The following DCHS2 variants were observed in gnomAD, a reference collection of about 807,000 sequenced individuals.
DCHS2 encodes dachsous cadherin-related 2, also known as protocadherin-23.
In DCHS2, 142 loss-of-function variants were observed where a neutral mutation model predicts 182.4. The ratio of observed to expected loss-of-function variants is 0.78; its 90% confidence interval spans 0.68 to 0.89. The LOEUF is 0.89. Among genes scored for constraint, DCHS2 ranks in the 40% least tolerant of loss-of-function variants. The probability of loss-of-function intolerance (pLI) is 0.00; values close to 1 mark genes in which losing one functional copy is unlikely to be tolerated. For missense variants in DCHS2, 4,319 were observed against 4,198.6 expected, an observed-to-expected ratio of 1.03 and a Z score of -0.79; for synonymous variants, 1,740 against 1,663.3, an observed-to-expected ratio of 1.05 and a Z score of -1.12.
At position 154,329,594 on chromosome 4, in the gene DCHS2, A is replaced by G; in HGVS notation, c.3847T>C (p.Ser1283Pro). Reference protein sequence around the residue: ...PRNATMAVYVSVTDINDNRPF... With the variant: ...PRNATMAVYVPVTDINDNRPF... ...CTGTTATCATTGATGTCAGTAACTG[A>G]GACGTAAACCGCCATGGTGGCGTTT... The change falls in exon 6 of 20, where the codon TCA (serine) becomes CCA (proline). Residue 1283 changes from serine to proline, a missense_variant. By Grantham distance (74) the Ser-to-Pro change is moderately conservative. Transcript: ENST00000357232. The G allele has an allele frequency of 7.4e-6, 12 of 1,613,470 alleles. No homozygotes were observed. The highest frequency in any genetic ancestry group is 1.0e-5 in the Non-Finnish European group (12 of 1,179,896).
chr4:154,298,468 C>A lies in DCHS2; in HGVS notation c.5846G>T (p.Gly1949Val). ...AGCTGAAAGCACAAGAACCACTGTT[C>A]CCACTTCAGCATCTTCTCTCACAGA... ...QSSVREDAEV[G>V]TVVLVLSAVD... The change falls in exon 13 of 20, where the codon GGA becomes GTA. Residue 1949 changes from glycine (G) to valine (V), a missense_variant. Physicochemically the swap from Gly to Val is moderately radical, Grantham distance 109. Coordinates refer to ENST00000357232, the MANE Select transcript of DCHS2 (RefSeq NM_001358235.2). 6.2e-7 allele frequency: 1 copy of A among 1,614,144 alleles called. No individual in the cohort carries two copies. The highest frequency in any genetic ancestry group is 8.5e-7 in the Non-Finnish European group (1 of 1,179,994).
In DCHS2 at chr4:154,363,731, G is replaced by A. The variant is rs186817198; in HGVS notation, c.2476+2479C>T. On this transcript the variant is annotated intron_variant, in intron 3 of 19. Transcript: ENST00000357232. ...ATTCTCACCACAAAAAATTCTAAGT[G>A]TGAGAGGTGATGGTTATGTTAACCA... 3.2e-3 allele frequency among the ~76,000 whole-genome samples: 492 copies of A among 152,274 alleles called. 3 individuals carry two copies. Among genetic ancestry groups the A allele is most frequent in the Non-Finnish European group, 4.6e-3 (316 of 68,006 alleles).
At chr4:154,469,897 C>G (rs1159244349) in intron 1 of DCHS2, among the ~76,000 whole-genome samples, 1 of 152,178 alleles carries the variant, frequency 6.6e-6, no homozygotes, top group Non-Finnish European at 1.5e-5. Context: ...ACTCTTGAGC[C>G]CATCCTGCTG....
chr4:154,491,429 C>G lies in DCHS2; in HGVS notation c.-74G>C, dbSNP rs17031728. 0.18 allele frequency: 261,858 copies of G among 1,438,748 alleles called. 25,297 individuals carry two copies. Among genetic ancestry groups the G allele is most frequent in the Admixed American group, 0.3 (10,658 of 35,214 alleles). The allele number at this position is 1,438,748 out of a possible 1,614,324, so 89.1% of individuals were successfully genotyped here. A position where few individuals can be genotyped will look rare whatever the true frequency, so the allele number is the denominator to read the frequency against. On this transcript the variant is annotated 5_prime_UTR_variant, in exon 1 of 20. Coordinates refer to ENST00000357232, the MANE Select transcript of DCHS2 (RefSeq NM_001358235.2). ...GCAGGATCGCAGAAAAATCCAGGAG[C>G]CTCTTCAGTGTCTGAGCCAGAGAAG... is the stretch of plus-strand genomic sequence containing the variant.
At chr4:154,442,453 T>G (rs1734062160) in intron 1 of DCHS2, among the ~76,000 whole-genome samples, 1 of 150,096 alleles carries the variant, frequency 6.7e-6, no homozygotes, top group African/African-American at 2.5e-5. Context: ...GTCTATGACC[T>G]CAGGAAAATC....
At chr4:154,435,018 G>A (rs1733716527) in intron 1 of DCHS2, among the ~76,000 whole-genome samples, 1 of 152,052 alleles carries the variant, frequency 6.6e-6, no homozygotes, top group Admixed American at 6.6e-5. Context: ...AGGACAAGAG[G>A]GAAAACTAGG....
rs183947668 is a variant in DCHS2, at chr4:154,420,809, C to G, written c.2053-43365G>C. 2.0e-4 allele frequency among the ~76,000 whole-genome samples: 31 copies of G among 152,262 alleles called. No homozygotes were observed. The East Asian group carries it at 4.0e-3, about 20-fold the overall frequency. On this transcript the variant is annotated intron_variant, in intron 1 of 19. Transcript: ENST00000357232. ...CCAGATACCTGGGTATCCCTTAACC[C>G]AGTCAAGCTGACACCTAAAATTAAC...
intron 1 of DCHS2, among the ~76,000 whole-genome samples, chr4:154,423,351 A>G (rs756833756): frequency 2.6e-5 from 4 of 152,182 alleles, no homozygotes; most frequent in African/African-American, 4.8e-5. Flanking sequence ...AATGTTTTCA[A>G]TGTTTATCCA....
At chr4:154,310,918 T>G (rs1049770629) in intron 10 of DCHS2, among the ~76,000 whole-genome samples, 3 of 152,224 alleles carry the variant, frequency 2.0e-5, no homozygotes, top group African/African-American at 7.2e-5. Flanking sequence ...GCCTGCTCCC[T>G]GTTTTTGTAA....
chr4:154,286,721 C>A (rs1578914233), intron 13 of DCHS2, among the ~76,000 whole-genome samples: 1 of 151,692 alleles, frequency 6.6e-6, no homozygotes, highest in African/African-American at 2.4e-5. Context: ...TAGAAAATAG[C>A]CTCAAAAGGG....
chr4:154,389,514 G>GATTATATATATATATAT (rs1561084765), intron 1 of DCHS2, among the ~76,000 whole-genome samples: 1 of 45,798 alleles, frequency 2.2e-5, no homozygotes, highest in Non-Finnish European at 6.4e-5. Context: ...TAAAGACAAA[G>GATTATATATATATATAT]GTTATATATA....
chr4:154,381,356 C>T (rs2110818993), intron 1 of DCHS2, among the ~76,000 whole-genome samples: 1 of 152,108 alleles, frequency 6.6e-6, no homozygotes, highest in South Asian at 2.1e-4. Flanking sequence ...TGTTAGCTTT[C>T]TGAGATTTAA....
chr4:154,463,858 T>C (rs1048865934), intron 1 of DCHS2, among the ~76,000 whole-genome samples: 1 of 152,178 alleles, frequency 6.6e-6, no homozygotes, highest in African/African-American at 2.4e-5. Flanking sequence ...TTGGATTTTA[T>C]GCTTAACTCA....
In DCHS2 at chr4:154,259,747, G is replaced by A. The variant is rs1368953051; in HGVS notation, c.6587C>T (p.Thr2196Ile). The change falls in exon 15 of 20, where the codon ACT (threonine) becomes ATT (isoleucine). Residue 2196 changes from threonine to isoleucine, a missense_variant. Physicochemically the swap from Thr to Ile is moderately conservative, Grantham distance 89 (BLOSUM62 -1). Coordinates refer to ENST00000357232, the MANE Select transcript of DCHS2 (RefSeq NM_001358235.2). ...ATCAAGAAACTTGGGTTCTTTCACAGTGAGTTGTCCTATTTTTATTTCCAA... is the reference window on the plus strand; with the variant it reads ...ATCAAGAAACTTGGGTTCTTTCACAATGAGTTGTCCTATTTTTATTTCCAA... ...LSLCSKSGQL[T>I]VKEPKFLDFE... 6.2e-7 allele frequency: 1 copy of A among 1,613,454 alleles called. No homozygotes were observed.
At position 154,320,708 on chromosome 4, in the gene DCHS2, G is replaced by T. The variant is rs777476620; in HGVS notation, c.4691C>A (p.Pro1564His). 1 of 1,614,048 alleles carries T rather than the reference G, an allele frequency of 6.2e-7. No homozygotes were observed. Among genetic ancestry groups the T allele is most frequent in the Non-Finnish European group, 8.5e-7 (1 of 1,180,006 alleles). Reference sequence around the variant, plus strand: ...CACAGTGACTAGTGTGCCAAATGAGGGGTGGATGAGAAATGGATTCGTGCC... The same window carrying T: ...CACAGTGACTAGTGTGCCAAATGAGTGGTGGATGAGAAATGGATTCGTGCC... ...NPGTNPFLIH[P>H]SFGTLVTVSR... The change falls in exon 9 of 20, where the codon CCC (proline) becomes CAC (histidine). Residue 1564 changes from proline (P) to histidine (H), a missense_variant. Pro to His is a moderately conservative substitution (Grantham distance 77). Coordinates refer to ENST00000357232, the MANE Select transcript of DCHS2 (RefSeq NM_001358235.2).
intron 6 of DCHS2, 36 bp downstream of exon 6, chr4:154,329,487 G>A (rs778733779): frequency 1.3e-6 from 2 of 1,582,446 alleles, no homozygotes; most frequent in East Asian, 4.5e-5. Context: ...AATGACTTAA[G>A]ATATTACAAA....
intron 1 of DCHS2, among the ~76,000 whole-genome samples, chr4:154,385,886 G>T (rs1731391345): frequency 6.6e-6 from 1 of 151,910 alleles, no homozygotes; most frequent in African/African-American, 2.4e-5. Context: ...ACCAGCCCAC[G>T]ACACTACACC....
chr4:154,461,564 T>C (rs1254213835), intron 1 of DCHS2, among the ~76,000 whole-genome samples: 1 of 152,162 alleles, frequency 6.6e-6, no homozygotes, highest in African/African-American at 2.4e-5. Flanking sequence ...GAAAAGATTG[T>C]GACATAGTAT....
At chr4:154,354,779 C>T (rs1333661358) in intron 3 of DCHS2, 1 of 152,202 alleles carries the variant, frequency 6.6e-6, no homozygotes, top group African/African-American at 2.4e-5. Flanking sequence ...TTCCCATCAT[C>T]CAGTAGTCCA....
Sources: gnomAD v4.1 joint callset for allele counts (sites outside exome capture counted in the v4.1 genomes callset) on GRCh38, gnomAD v4.1.1 for gene constraint, MANE v1.5 for transcripts, NCBI Gene and HGNC (gene_info 2026-07-23, HGNC 2026-07-21) for gene names.